MCTP2: variants seen among roughly 807,000 people sequenced by gnomAD.
MCTP2 encodes the protein multiple C2 and transmembrane domain containing 2, also known as multiple C2 and transmembrane domain-containing protein 2.
Under a neutral mutation model 111.6 loss-of-function variants are expected in MCTP2, and 132 were observed. The ratio of observed to expected loss-of-function variants is 1.18; its 90% CI spans 1.03 to 1.37. The LOEUF (loss-of-function observed/expected upper bound fraction) is 1.37. MCTP2 is among the 40% of genes most tolerant of loss of function. The probability of loss-of-function intolerance (pLI) is 0.00; values close to 1 mark genes in which losing one functional copy is unlikely to be tolerated. For missense variants in MCTP2, 1,183 were observed against 1,067.9 expected, an observed-to-expected ratio of 1.11 and a Z score of -1.50; for synonymous variants, 395 against 387.7, an observed-to-expected ratio of 1.02 and a Z score of -0.22.
chr15:94,237,366 G>C (rs1330841885), intron 1 of MCTP2, among the ~76,000 whole-genome samples: 10 of 152,094 alleles, frequency 6.6e-5, no homozygotes, highest in Admixed American at 6.5e-4. Flanking sequence ...GAGAGGTGGA[G>C]GTGGAAGGAC....
rs188404712 is a variant in MCTP2, at chr15:94,483,595, A to T, written c.*4561A>T. 4 of 152,326 alleles carry T rather than the reference A, an allele frequency of 2.6e-5. No homozygotes were observed. The highest frequency in any genetic ancestry group is 9.6e-5 in the African/African-American group (4 of 41,576). 9.4% of individuals were successfully genotyped at this position (152,326 alleles called of 1,614,324 possible). ...TGGAGGCCATTATCCTTAGCAAACT[A>T]ATGCAGCAACAGAAAACCAAATACC... On this transcript the variant is annotated 3_prime_UTR_variant, in exon 23 of 23. Coordinates refer to ENST00000357742, the MANE Select transcript of MCTP2 (RefSeq NM_001385001.1).
chr15:94,258,034 ATTTT>A (rs60905293), intron 1 of MCTP2, among the ~76,000 whole-genome samples: 1 of 98,988 alleles, frequency 1.0e-5, no homozygotes. Context: ...CCACCATGTC[ATTTT>A]TTTTTTTTTT....
intron 10 of MCTP2, among the ~76,000 whole-genome samples, chr15:94,361,428 C>G (rs2078936940): frequency 6.6e-6 from 1 of 152,130 alleles, no homozygotes; most frequent in Admixed American, 6.5e-5. Flanking sequence ...ACACTGTCTG[C>G]TAATTGTGGG....
At chr15:94,301,358 T>C (rs1310359749) in intron 2 of MCTP2, among the ~76,000 whole-genome samples, 1 of 152,178 alleles carries the variant, frequency 6.6e-6, no homozygotes, top group Non-Finnish European at 1.5e-5. Flanking sequence ...TCCTGCCTGT[T>C]TGAGTTGGGC....
At chr15:94,265,654 T>C (rs963379268) in intron 1 of MCTP2, among the ~76,000 whole-genome samples, 2 of 152,196 alleles carry the variant, frequency 1.3e-5, no homozygotes, top group African/African-American at 4.8e-5. Flanking sequence ...ATTGTGTAAC[T>C]CAATAACTTT....
chr15:94,284,225 T>A (rs956433058), intron 1 of MCTP2, among the ~76,000 whole-genome samples: 3 of 152,190 alleles, frequency 2.0e-5, no homozygotes, highest in Non-Finnish European at 4.4e-5. Context: ...TATCCCTAAT[T>A]TGCACACACT....
chr15:94,295,062 G>T (rs1224974043), intron 1 of MCTP2, among the ~76,000 whole-genome samples: 1 of 145,510 alleles, frequency 6.9e-6, no homozygotes, highest in Non-Finnish European at 1.5e-5. Flanking sequence ...CAATTCTTGT[G>T]CCTCAGCCTC....
chr15:94,458,671 C>T (rs2084993547), intron 20 of MCTP2, among the ~76,000 whole-genome samples: 1 of 152,132 alleles, frequency 6.6e-6, no homozygotes, highest in African/African-American at 2.4e-5. Flanking sequence ...AAGAAAGATA[C>T]ACATCTAGTA....
intron 20 of MCTP2, among the ~76,000 whole-genome samples, chr15:94,461,106 T>C (rs978404673): frequency 2.6e-5 from 4 of 152,180 alleles, no homozygotes; most frequent in African/African-American, 9.7e-5. Context: ...CTAGTTACCT[T>C]CCCTAATATT....
At chr15:94,356,070 A>G (rs2078605337) in intron 8 of MCTP2, 67 bp from the exon 9 acceptor site, 34 of 1,403,240 alleles carry the variant, frequency 2.4e-5, no homozygotes, top group Non-Finnish European at 2.7e-5. Flanking sequence ...TGGAATTCCT[A>G]TGATCATCAA....
chr15:94,300,239 G>A (rs1740859732), intron 2 of MCTP2, among the ~76,000 whole-genome samples: 1 of 152,082 alleles, frequency 6.6e-6, no homozygotes, highest in African/African-American at 2.4e-5. Context: ...CGGGCACGGT[G>A]GCTCATTCCT....
chr15:94,395,600 T>C (rs973991282), intron 14 of MCTP2, among the ~76,000 whole-genome samples: 2 of 152,242 alleles, frequency 1.3e-5, no homozygotes, highest in Non-Finnish European at 2.9e-5. Context: ...GATTATAAAA[T>C]AGTTTAGTTT....
At chr15:94,237,299 G>A (rs569406359) in intron 1 of MCTP2, among the ~76,000 whole-genome samples, 13 of 152,246 alleles carry the variant, frequency 8.5e-5, no homozygotes, top group Admixed American at 3.9e-4. Context: ...ATTCTTCAGC[G>A]AGTGGAGATG....
intron 1 of MCTP2, among the ~76,000 whole-genome samples, chr15:94,245,624 ATATACATATACT>A (rs953135282): frequency 9.6e-5 from 14 of 145,208 alleles, no homozygotes; most frequent in Admixed American, 2.1e-4. Flanking sequence ...GTACATGTAT[ATATACATATACT>A]TATACATATA....
chr15:94,367,530 C>T lies in MCTP2; in HGVS notation c.1302-75C>T, dbSNP rs1190448650. On this transcript the variant is annotated intron_variant, in intron 10 of 22. Coordinates refer to ENST00000357742, the MANE Select transcript of MCTP2 (RefSeq NM_001385001.1). ...GTTTTGGGGGATGATGAAATCAAAG[C>T]CAGGTGCTTTGGAGGTACTGCAGTG... 12 of 1,173,500 alleles carry T rather than the reference C, an allele frequency of 1.0e-5. No individual in the cohort carries two copies. In the Admixed American group the frequency reaches 1.1e-4, roughly 11 times the overall value. The allele number at this position is 1,173,500 out of a possible 1,614,324, so 72.7% of individuals were successfully genotyped here.
At chr15:94,293,428 G>A (rs1391425158) in intron 1 of MCTP2, among the ~76,000 whole-genome samples, 3 of 152,178 alleles carry the variant, frequency 2.0e-5, no homozygotes, top group African/African-American at 7.2e-5. Flanking sequence ...TAGATAAAAA[G>A]ACAGGAAATG....
intron 19 of MCTP2, among the ~76,000 whole-genome samples, chr15:94,449,823 C>G (rs2084331494): frequency 6.6e-6 from 1 of 152,166 alleles, no homozygotes. Context: ...AGGATTCACA[C>G]AGCTAAACCA....
At chr15:94,274,245 A>G (rs1451277359) in intron 1 of MCTP2, among the ~76,000 whole-genome samples, 1 of 152,254 alleles carries the variant, frequency 6.6e-6, no homozygotes, top group African/African-American at 2.4e-5. Context: ...ACATATTACA[A>G]CTTGTGGAAT....
intron 17 of MCTP2, among the ~76,000 whole-genome samples, chr15:94,436,917 A>G (rs956392473): frequency 2.6e-5 from 4 of 152,048 alleles, no homozygotes; most frequent in African/African-American, 9.7e-5. Context: ...CAAACAGGAA[A>G]ATCTCTAGCT....
Sources: gnomAD v4.1 joint callset for allele counts (sites outside exome capture counted in the v4.1 genomes callset) on GRCh38, gnomAD v4.1.1 for gene constraint, MANE v1.5 for transcripts, NCBI Gene and HGNC (gene_info 2026-07-23, HGNC 2026-07-21) for gene names.